Variants in GRIN2A observed in about 807,000 individuals in gnomAD.
GRIN2A encodes the protein glutamate ionotropic receptor NMDA type subunit 2A.
Under a neutral mutation model 113.4 loss-of-function variants are expected in GRIN2A, and 22 were observed. That is an observed-to-expected ratio of 0.19 (90% CI 0.14 to 0.28). The LOEUF is 0.28. Ranked by LOEUF, GRIN2A falls within the 10% of genes least tolerant of loss-of-function variation. The pLI, the probability that GRIN2A is intolerant of heterozygous loss-of-function variation, is 1.00. For missense variants in GRIN2A, 1,502 were observed against 1,887.0 expected (o/e 0.80, Z 3.78); for synonymous variants, 827 against 738.4 (o/e 1.12, Z -1.94).
At chr16:9,849,130 T>C (rs991049962) in intron 5 of GRIN2A, among the ~76,000 whole-genome samples, 6 of 118,528 alleles carry the variant, frequency 5.1e-5, no homozygotes, top group African/African-American at 1.8e-4. Context: ...TATTTAAATA[T>C]ATAAAATACA....
At chr16:10,115,614 A>C (rs1211037217) in intron 2 of GRIN2A, among the ~76,000 whole-genome samples, 1 of 152,200 alleles carries the variant, frequency 6.6e-6, no homozygotes, top group African/African-American at 2.4e-5. Context: ...ACAGCACCTG[A>C]ATTTTATAAT....
chr16:9,863,584 C>T (rs79467217), intron 4 of GRIN2A, among the ~76,000 whole-genome samples: 1,584 of 152,276 alleles, frequency 0.01, 19 homozygotes, highest in African/African-American at 0.035. Flanking sequence ...AACAGCAGAT[C>T]AGGCAGAGAA....
intron 2 of GRIN2A, among the ~76,000 whole-genome samples, chr16:10,055,087 A>T (rs1470426476): frequency 1.6e-5 from 1 of 64,372 alleles, no homozygotes; most frequent in Non-Finnish European, 2.9e-5. Context: ...AAAAAAAAAG[A>T]AAAAAGAAAG....
At chr16:10,018,210 T>G (rs1233949760) in intron 2 of GRIN2A, among the ~76,000 whole-genome samples, 1 of 152,190 alleles carries the variant, frequency 6.6e-6, no homozygotes, top group South Asian at 2.1e-4. Flanking sequence ...GCAAAGCAGA[T>G]GCACGTGGGC....
At chr16:9,797,867 C>T (rs1354102038) in intron 11 of GRIN2A, among the ~76,000 whole-genome samples, 1 of 152,120 alleles carries the variant, frequency 6.6e-6, no homozygotes, top group Non-Finnish European at 1.5e-5. Flanking sequence ...AGCAGATTCC[C>T]AGCCGTGATC....
intron 2 of GRIN2A, among the ~76,000 whole-genome samples, chr16:10,047,273 C>T (rs545609638): frequency 6.6e-6 from 1 of 152,206 alleles, no homozygotes; most frequent in African/African-American, 2.4e-5. Flanking sequence ...GATCTAGGTC[C>T]CACTCTCCGC....
intron 11 of GRIN2A, among the ~76,000 whole-genome samples, chr16:9,776,727 T>TTC (rs199924598): frequency 1.2e-3 from 174 of 151,174 alleles, no homozygotes; most frequent in African/African-American, 4.1e-3. Context: ...ACCGAGAGGG[T>TTC]AACTGACCCC....
intron 2 of GRIN2A, among the ~76,000 whole-genome samples, chr16:10,125,742 C>T (rs2048920701): frequency 6.6e-6 from 1 of 152,058 alleles, no homozygotes; most frequent in Non-Finnish European, 1.5e-5. Flanking sequence ...CTTGCCTACC[C>T]TGGGAAAGTG....
At chr16:10,044,372 A>G (rs2047223882) in intron 2 of GRIN2A, among the ~76,000 whole-genome samples, 1 of 151,738 alleles carries the variant, frequency 6.6e-6, no homozygotes, top group African/African-American at 2.4e-5. Context: ...ATCATTTTTA[A>G]AATCATGTGT....
At chr16:9,877,858 C>T (rs765003905) in intron 4 of GRIN2A, among the ~76,000 whole-genome samples, 35 of 92,066 alleles carry the variant, frequency 3.8e-4, no homozygotes, top group Non-Finnish European at 6.0e-4. Flanking sequence ...CTAGCCCTCT[C>T]CCTGCCTCCC....
At position 10,182,343 on chromosome 16, in the gene GRIN2A, C is replaced by T. The variant is rs1339802167; in HGVS notation, c.-485G>A. The T allele has an allele frequency of 6.6e-6, 1 of 152,364 alleles. No individual in the cohort carries two copies. Among genetic ancestry groups the T allele is most frequent in the South Asian group, 2.1e-4 (1 of 4,832 alleles). 9.4% of individuals were successfully genotyped at this position (152,364 alleles called of 1,614,324 possible). A position where few individuals can be genotyped will look rare whatever the true frequency, so the allele number is the denominator to read the frequency against. On this transcript the variant is annotated 5_prime_UTR_variant, in exon 1 of 13. Transcript: ENST00000330684. The stretch of plus-strand genomic sequence containing the variant: ...GAGAAGCTAACTGGGCACCTCCACC[C>T]GCACCCCCTACCACCTCCCCAGCGC...
chr16:10,163,350 G>A (rs2049844435), intron 2 of GRIN2A, among the ~76,000 whole-genome samples: 1 of 152,184 alleles, frequency 6.6e-6, no homozygotes. Flanking sequence ...TTAGGAAAGA[G>A]ATCTTCAAAA....
intron 2 of GRIN2A, among the ~76,000 whole-genome samples, chr16:9,963,340 G>A (rs976805052): frequency 6.6e-6 from 1 of 151,890 alleles, no homozygotes; most frequent in Non-Finnish European, 1.5e-5. Flanking sequence ...AGGTATACAC[G>A]TGCCATGGTG....
At chr16:9,909,905 A>T (rs2044100440) in intron 3 of GRIN2A, among the ~76,000 whole-genome samples, 1 of 152,238 alleles carries the variant, frequency 6.6e-6, no homozygotes, top group African/African-American at 2.4e-5. Flanking sequence ...AATACCACAG[A>T]GGGCTTACAG....
intron 2 of GRIN2A, chr16:10,112,400 G>A: frequency 1.4e-6 from 1 of 705,496 alleles, no homozygotes; most frequent in Non-Finnish European, 2.6e-6. Context: ...CCTGCGGTCA[G>A]CCCCAGGGCA....
intron 2 of GRIN2A, among the ~76,000 whole-genome samples, chr16:9,977,599 C>G (rs2045801320): frequency 6.6e-6 from 1 of 152,158 alleles, no homozygotes; most frequent in Non-Finnish European, 1.5e-5. Context: ...GAGTGGAAGG[C>G]AGAGCTCAAG....
chr16:10,148,505 C>T (rs944180266), intron 2 of GRIN2A, among the ~76,000 whole-genome samples: 1 of 152,176 alleles, frequency 6.6e-6, no homozygotes, highest in East Asian at 1.9e-4. Flanking sequence ...TCCTGAGCTC[C>T]GTGTTCACAG....
At chr16:10,014,156 A>G (rs3848331) in intron 2 of GRIN2A, among the ~76,000 whole-genome samples, 2,640 of 152,346 alleles carry the variant, frequency 0.017, 88 homozygotes, top group African/African-American at 0.061. Context: ...GTGAATGTGT[A>G]GGGGAGTCTG....
chr16:9,863,589 A>G (rs1360034379), intron 4 of GRIN2A, among the ~76,000 whole-genome samples: 1 of 152,220 alleles, frequency 6.6e-6, no homozygotes, highest in East Asian at 1.9e-4. Flanking sequence ...CAGATCAGGC[A>G]GAGAAAATCA....
Sources: allele counts gnomAD v4.1 joint callset (sites outside exome capture counted in the v4.1 genomes callset), GRCh38; gene constraint gnomAD v4.1.1; transcripts MANE v1.5; gene names NCBI Gene and HGNC (gene_info 2026-07-23, HGNC 2026-07-21).